The following CHN1 variants were observed in gnomAD, a reference collection of about 807,000 sequenced individuals.
CHN1 encodes N-chimaerin.
A neutral mutation model predicts 59.5 loss-of-function variants in CHN1; 37 were observed. The ratio of observed to expected loss-of-function variants is 0.62; its 90% CI spans 0.48 to 0.82. CHN1 has a LOEUF of 0.82. Among genes scored for constraint, CHN1 ranks in the 40% least tolerant of loss-of-function variants. The probability of loss-of-function intolerance (pLI) is 0.00; values close to 1 mark genes in which losing one functional copy is unlikely to be tolerated. For synonymous variants in CHN1, 206 were observed against 200.4 expected (o/e 1.03, Z -0.24); for missense variants, 469 against 571.0 (o/e 0.82, Z 1.82).
At chr2:174,928,935 G>A (rs1438167612) in intron 3 of CHN1, among the ~76,000 whole-genome samples, 1 of 152,158 alleles carries the variant, frequency 6.6e-6, no homozygotes, top group Non-Finnish European at 1.5e-5. Flanking sequence ...CAGCAAAGTG[G>A]AGGAATACTT....
At position 174,895,048 on chromosome 2, in the gene CHN1, C is replaced by T. The variant is rs554175432; in HGVS notation, c.261-16920G>A. ...CATAGTATATACACACACACACGCG[C>T]GCACACACACACACACACACACAAA... is the stretch of plus-strand genomic sequence containing the variant. On this transcript the variant is annotated intron_variant, in intron 5 of 12. Coordinates refer to ENST00000409900, the MANE Select transcript of CHN1 (RefSeq NM_001822.7). Among the ~76,000 whole-genome samples, 8 of 136,974 alleles carry T rather than the reference C, an allele frequency of 5.8e-5. No individual in the cohort carries two copies. In the East Asian group the frequency reaches 9.9e-4, roughly 17 times the overall value. 89.9% of individuals were successfully genotyped at this position (136,974 alleles called of 152,430 possible).
At chr2:174,937,678 G>A (rs1008354819) in intron 3 of CHN1, among the ~76,000 whole-genome samples, 12 of 151,896 alleles carry the variant, frequency 7.9e-5, no homozygotes, top group African/African-American at 2.7e-4. Flanking sequence ...TCAGTCACAG[G>A]AGCGGATCCT....
In CHN1 at chr2:174,801,885, A is replaced by G. The variant is rs142527334; in HGVS notation, c.1103-73T>C. 1.8e-4 allele frequency: 194 copies of G among 1,090,470 alleles called. No individual in the cohort carries two copies. In the African/African-American group the frequency reaches 2.5e-3, roughly 14 times the overall value. The allele number at this position is 1,090,470 out of a possible 1,614,324, so 67.5% of individuals were successfully genotyped here. The stretch of plus-strand genomic sequence containing the variant: ...TGATACAAATGGTTCACTGAATTCT[A>G]TTCTTGTGATAATGCTCTGAAACTG... On this transcript the variant is annotated intron_variant, in intron 11 of 12. Coordinates refer to ENST00000409900, the MANE Select transcript of CHN1 (RefSeq NM_001822.7).
chr2:174,811,535 C>T lies in CHN1; in HGVS notation c.940G>A (p.Asp314Asn). 2.5e-6 allele frequency: 4 copies of T among 1,611,968 alleles called. No homozygotes were observed. Among genetic ancestry groups the T allele is most frequent in the Non-Finnish European group, 3.4e-6 (4 of 1,178,678 alleles). ...CCTCTGTCGAAAGCCATCTTGACAT[C>T]TTCAATTAGGTCACTAAATCCTGAT... is the stretch of plus-strand genomic sequence containing the variant. ...RVSGFSDLIEDVKMAFDRDGE... is the reference protein window; with the variant it reads ...RVSGFSDLIENVKMAFDRDGE... Residue 314 changes from aspartate (D) to asparagine (N), a missense_variant, in exon 10 of 13, where the codon GAT becomes AAT. Asp to Asn is a conservative substitution (Grantham distance 23). Around this residue, in one of 5 missense-constraint regions of CHN1, gnomAD observed 225 missense variants for 289.9 expected, o/e 0.78. Transcript: ENST00000409900.
chr2:174,811,590 T>TG lies in CHN1; in HGVS notation c.887-3dup, dbSNP rs1347701812. ...GGTATAGTCCTTCAGAATTAAGACC[T>TG]GAAAAATAAAACTAGTTAGTTTCTT... On this transcript the variant is annotated splice_polypyrimidine_tract_variant and splice_region_variant and intron_variant, in intron 9 of 12. Coordinates refer to ENST00000409900, the MANE Select transcript of CHN1 (RefSeq NM_001822.7). 2.3e-5 allele frequency: 37 copies of TG among 1,589,910 alleles called. No homozygotes were observed. The Admixed American group carries it at 4.2e-4, about 18-fold the overall frequency.
chr2:174,857,906 T>G (rs1686953886), intron 6 of CHN1, among the ~76,000 whole-genome samples: 2 of 152,250 alleles, frequency 1.3e-5, no homozygotes, highest in Non-Finnish European at 1.5e-5. Flanking sequence ...CATAAACATT[T>G]TCACTTTTTC....
At position 174,808,167 on chromosome 2, in the gene CHN1, G is replaced by C. The variant is rs572283911; in HGVS notation, c.1102+738C>G. ...GGCCAGTGCCAGTTTGCTGTTAATA[G>C]TCTGAGTGAACTTATACAAGCACAG... On this transcript the variant is annotated intron_variant, in intron 11 of 12. Coordinates refer to ENST00000409900, the MANE Select transcript of CHN1 (RefSeq NM_001822.7). 3.0e-4 allele frequency among the ~76,000 whole-genome samples: 45 copies of C among 152,330 alleles called. No homozygotes were observed. The South Asian group carries it at 8.9e-3, about 30-fold the overall frequency.
Position 174,915,177 on chromosome 2 carries a change from A to G in CHN1, c.147-6T>C. On this transcript the variant is annotated splice_polypyrimidine_tract_variant and splice_region_variant and intron_variant, in intron 4 of 12. Transcript: ENST00000409900. ...TGGAGATCATGCCATGAAACCTAAG[A>G]AACAAAGTCTATTCAGAAACTGTGC... 1 of 1,600,086 alleles carries G rather than the reference A, an allele frequency of 6.2e-7. No individual in the cohort carries two copies. Among genetic ancestry groups the G allele is most frequent in the South Asian group, 1.1e-5 (1 of 88,794 alleles).
chr2:174,873,621 C>T (rs150479281), intron 6 of CHN1, among the ~76,000 whole-genome samples: 1 of 152,262 alleles, frequency 6.6e-6, no homozygotes, highest in Non-Finnish European at 1.5e-5. Flanking sequence ...ACAAAGACTC[C>T]TATCATTCTG....
intron 2 of CHN1, chr2:174,945,235 G>T: frequency 2.2e-6 from 1 of 459,374 alleles, no homozygotes; most frequent in South Asian, 2.2e-5. Context: ...ATTTTCCCCA[G>T]TTCTTTGTGG....
At chr2:174,940,181 C>A (rs976241100) in intron 3 of CHN1, among the ~76,000 whole-genome samples, 2 of 152,226 alleles carry the variant, frequency 1.3e-5, no homozygotes, top group African/African-American at 4.8e-5. Flanking sequence ...AGGCGCATGC[C>A]ACCATGGCTG....
Position 174,935,940 on chromosome 2 carries a change from T to A in CHN1, c.114+8948A>T, listed in dbSNP as rs556997868. 3.8e-4 allele frequency among the ~76,000 whole-genome samples: 58 copies of A among 152,162 alleles called. No homozygotes were observed. The South Asian group carries it at 0.011, about 30-fold the overall frequency. On this transcript the variant is annotated intron_variant, in intron 3 of 12. Coordinates refer to ENST00000409900, the MANE Select transcript of CHN1 (RefSeq NM_001822.7). ...ACAGCAAGATTCTGTCTCTAAAAAA[T>A]ATATTAAAAGTAAATAAAAATAAAA...
chr2:174,838,647 C>G lies in CHN1; in HGVS notation c.627+8233G>C, dbSNP rs115372906. 5.5e-3 allele frequency among the ~76,000 whole-genome samples: 832 copies of G among 152,124 alleles called. 8 individuals are homozygous for G. The highest frequency in any genetic ancestry group is 0.019 in the African/African-American group (781 of 41,496). ...ATTACGAGAAGGGGCTTTAGAGTAC[C>G]AACATGTCTCAAACGGGGGAAAAAC... On this transcript the variant is annotated intron_variant, in intron 7 of 12. Transcript: ENST00000409900.
intron 5 of CHN1, among the ~76,000 whole-genome samples, chr2:174,903,108 A>T (rs1214281397): frequency 6.6e-6 from 1 of 152,234 alleles, no homozygotes; most frequent in South Asian, 2.1e-4. Context: ...ACTCAAAGCC[A>T]CAATAAATTA....
At chr2:174,866,584 G>C (rs938689048) in intron 6 of CHN1, among the ~76,000 whole-genome samples, 1 of 152,132 alleles carries the variant, frequency 6.6e-6, no homozygotes, top group Non-Finnish European at 1.5e-5. Context: ...GAAATACTTG[G>C]TAATTAGAAT....
chr2:174,967,513 A>G (rs2124444), intron 1 of CHN1, among the ~76,000 whole-genome samples: 48,540 of 152,064 alleles, frequency 0.32, 9,020 homozygotes, highest in Admixed American at 0.45. Context: ...TTCATGTTCC[A>G]ATGTTTCCAT....
chr2:174,945,588 C>T (rs1201283622), intron 2 of CHN1, among the ~76,000 whole-genome samples: 1 of 152,022 alleles, frequency 6.6e-6, no homozygotes, highest in Admixed American at 6.6e-5. Context: ...TCCTTCTAGC[C>T]TCACTTCAGG....
intron 2 of CHN1, among the ~76,000 whole-genome samples, chr2:174,946,367 A>T (rs1689837083): frequency 6.6e-6 from 1 of 152,166 alleles, no homozygotes; most frequent in Non-Finnish European, 1.5e-5. Flanking sequence ...TATCAGGGCA[A>T]TGCTATAATT....
At position 174,933,927 on chromosome 2, in the gene CHN1, T is replaced by C. The variant is rs565979771; in HGVS notation, c.114+10961A>G. 7.9e-5 allele frequency among the ~76,000 whole-genome samples: 12 copies of C among 152,322 alleles called. No individual in the cohort carries two copies. In the South Asian group the frequency reaches 1.2e-3, roughly 16 times the overall value. ...TGACAGTGGAAGTTTGTGGAAGTTC[T>C]CTTCTGATGGCTTTAAGCAGGAGTA... is the stretch of plus-strand genomic sequence containing the variant. On this transcript the variant is annotated intron_variant, in intron 3 of 12. Coordinates refer to ENST00000409900, the MANE Select transcript of CHN1 (RefSeq NM_001822.7).
Sources: allele counts gnomAD v4.1 joint callset (sites outside exome capture counted in the v4.1 genomes callset), GRCh38; gene constraint gnomAD v4.1.1; regional missense constraint gnomAD v4.1.1; transcripts MANE v1.5; gene names NCBI Gene and HGNC (gene_info 2026-07-23, HGNC 2026-07-21).